Variants in PYM1 observed in about 807,000 individuals in gnomAD.
PYM1 encodes partner of Y14 and mago.
A neutral mutation model predicts 20.7 loss-of-function variants in PYM1; 7 were observed. The ratio of observed to expected loss-of-function variants is 0.34; its 90% CI spans 0.19 to 0.64. The LOEUF (loss-of-function observed/expected upper bound fraction) is 0.64. PYM1 is among the 30% of genes least tolerant of loss of function. The pLI is 0.74. For missense variants in PYM1, 194 were observed against 250.0 expected (o/e 0.78, Z 1.51); for synonymous variants, 100 against 99.2 (o/e 1.01, Z -0.05).
At chr12:55,922,511 G>T (rs1312518717) in intron 1 of PYM1, among the ~76,000 whole-genome samples, 3 of 150,712 alleles carry the variant, frequency 2.0e-5, no homozygotes, top group African/African-American at 7.3e-5. Context: ...TAGATACTCA[G>T]GAGGCTGAGG....
chr12:55,905,897 TATATCTAA>T lies in PYM1; in HGVS notation c.38-2425_38-2418del, dbSNP rs1476250123. 2.7e-3 allele frequency among the ~76,000 whole-genome samples: 319 copies of T among 116,604 alleles called. 40 individuals carry two copies. The highest frequency in any genetic ancestry group is 9.4e-3 in the African/African-American group (291 of 31,028). 76.5% of individuals were successfully genotyped at this position (116,604 alleles called of 152,430 possible). ...TCTATTAGATATATATATTATTATA[TATATCTAA>T]TAGATATATATATTATTATATATAT... On this transcript the variant is annotated intron_variant, in intron 1 of 2. Transcript: ENST00000408946.
chr12:55,916,419 C>G (rs1259797018), intron 1 of PYM1, among the ~76,000 whole-genome samples: 1 of 152,128 alleles, frequency 6.6e-6, no homozygotes. Context: ...GCTTACACAC[C>G]ATCGCACTGC....
At chr12:55,922,732 A>C (rs1268887400) in intron 1 of PYM1, among the ~76,000 whole-genome samples, 2 of 152,168 alleles carry the variant, frequency 1.3e-5, no homozygotes, top group Admixed American at 1.3e-4. Flanking sequence ...ACATAACCCA[A>C]ATCTAATCAT....
chr12:55,902,309 G>A lies in PYM1; in HGVS notation c.178C>T (p.Pro60Ser). The change falls in exon 3 of 3, where the codon CCC (proline) becomes TCC (serine). Residue 60 changes from proline (P) to serine (S), a missense_variant. Physicochemically the swap from Pro to Ser is moderately conservative, Grantham distance 74. Transcript: ENST00000408946. Reference protein sequence around the residue: ...VKFFKSKPELPPGLSPEATAP... With the variant: ...VKFFKSKPELSPGLSPEATAP... ...GTGGCCTCAGGGCTTAGCCCTGGGG[G>A]CAACTCTGGTTTACTCTTGAAAAAC... 6.2e-7 allele frequency: 1 copy of A among 1,613,782 alleles called. No homozygotes were observed. The highest frequency in any genetic ancestry group is 8.5e-7 in the Non-Finnish European group (1 of 1,179,852).
intron 1 of PYM1, among the ~76,000 whole-genome samples, chr12:55,924,983 C>CA (rs35096860): frequency 6.6e-6 from 1 of 152,086 alleles, no homozygotes; most frequent in Non-Finnish European, 1.5e-5. Context: ...CCATGCCCAG[C>CA]AAAAAATTTT....
intron 1 of PYM1, among the ~76,000 whole-genome samples, chr12:55,908,949 G>A (rs1289896373): frequency 6.6e-6 from 1 of 152,158 alleles, no homozygotes; most frequent in Non-Finnish European, 1.5e-5. Context: ...GAGCAAAGGG[G>A]CTCAAACTTG....
intron 1 of PYM1, among the ~76,000 whole-genome samples, chr12:55,923,632 G>A (rs997671602): frequency 6.6e-6 from 1 of 151,646 alleles, no homozygotes; most frequent in Non-Finnish European, 1.5e-5. Context: ...TATCAATATT[G>A]CTTCATTAAT....
intron 1 of PYM1, among the ~76,000 whole-genome samples, chr12:55,910,595 A>G (rs942627471): frequency 2.6e-5 from 4 of 152,038 alleles, no homozygotes; most frequent in African/African-American, 9.7e-5. Flanking sequence ...GGAGCCCACT[A>G]CCACGCCCAG....
intron 1 of PYM1, among the ~76,000 whole-genome samples, chr12:55,920,902 T>C (rs1031032947): frequency 1.3e-5 from 2 of 152,204 alleles, no homozygotes; most frequent in Non-Finnish European, 2.9e-5. Flanking sequence ...AAAATGTATA[T>C]ACCATCTGGT....
At chr12:55,903,117 C>A (rs529834174) in intron 2 of PYM1, among the ~76,000 whole-genome samples, 1 of 152,260 alleles carries the variant, frequency 6.6e-6, no homozygotes, top group East Asian at 1.9e-4. Flanking sequence ...CCCAACTTTC[C>A]TCTGCTCTGC....
chr12:55,926,994 G>T, intron 1 of PYM1: 1 of 1,394,276 alleles, frequency 7.2e-7, no homozygotes, highest in Non-Finnish European at 9.6e-7. Context: ...CCCCGGGATG[G>T]GCGGGGCACA....
At chr12:55,916,992 C>T (rs1592640102) in intron 1 of PYM1, among the ~76,000 whole-genome samples, 1 of 152,068 alleles carries the variant, frequency 6.6e-6, no homozygotes, top group East Asian at 1.9e-4. Flanking sequence ...ATCCCAGCTA[C>T]TTGGGAGGCT....
At chr12:55,906,236 T>C (rs946983067) in intron 1 of PYM1, among the ~76,000 whole-genome samples, 2 of 151,610 alleles carry the variant, frequency 1.3e-5, no homozygotes, top group African/African-American at 2.4e-5. Context: ...TACTTCGGTA[T>C]GCAGCAGAAG....
Position 55,908,202 on chromosome 12 carries a change from C to T in PYM1, c.38-4722G>A, listed in dbSNP as rs543211477. Among the ~76,000 whole-genome samples, 381 of 150,980 alleles carry T rather than the reference C, an allele frequency of 2.5e-3. 1 individual carries two copies. The highest frequency in any genetic ancestry group is 8.9e-3 in the African/African-American group (364 of 41,112). On this transcript the variant is annotated intron_variant, in intron 1 of 2. Transcript: ENST00000408946. The stretch of plus-strand genomic sequence containing the variant: ...AGGTTGCAGTGAGCCAAGATTGCAC[C>T]GCTGCACTCCAACCTGGGCGACAGA...
rs550840980 is a variant in PYM1, at chr12:55,905,581, A to G, written c.38-2101T>C. Reference sequence around the variant, plus strand: ...GCTGGGCGTGGTGGCAGGCGCCTGTAATCCTAGCTACCCGGGAGGCTGAGG... The same window carrying G: ...GCTGGGCGTGGTGGCAGGCGCCTGTGATCCTAGCTACCCGGGAGGCTGAGG... On this transcript the variant is annotated intron_variant, in intron 1 of 2. Transcript: ENST00000408946. Among the ~76,000 whole-genome samples, 929 of 149,974 alleles carry G rather than the reference A, an allele frequency of 6.2e-3. 6 individuals are homozygous for G. Among genetic ancestry groups the G allele is most frequent in the Non-Finnish European group, 9.8e-3 (665 of 67,664 alleles).
Position 55,927,877 on chromosome 12 carries a change from G to C in PYM1, c.-116C>G. ...GAGGGCCCTAGTTGCTTCTCGCCCA[G>C]ACCTCCTAACCCTGAGTGCCTCCTC... is the stretch of plus-strand genomic sequence containing the variant. On this transcript the variant is annotated 5_prime_UTR_variant, in exon 1 of 3. Coordinates refer to ENST00000408946, the MANE Select transcript of PYM1 (RefSeq NM_032345.3). 1.4e-6 allele frequency: 2 copies of C among 1,379,510 alleles called. No homozygotes were observed. Among genetic ancestry groups the C allele is most frequent in the Non-Finnish European group, 1.9e-6 (2 of 1,026,546 alleles). 85.5% of individuals were successfully genotyped at this position (1,379,510 alleles called of 1,614,324 possible).
At chr12:55,907,557 CAG>C (rs912673971) in intron 1 of PYM1, among the ~76,000 whole-genome samples, 7 of 148,078 alleles carry the variant, frequency 4.7e-5, no homozygotes, top group African/African-American at 1.3e-4. Context: ...TCACTTGAAA[CAG>C]GGGGTTGGAG....
chr12:55,917,320 C>A (rs1883024852), intron 1 of PYM1, among the ~76,000 whole-genome samples: 1 of 150,674 alleles, frequency 6.6e-6, no homozygotes, highest in Non-Finnish European at 1.5e-5. Flanking sequence ...ACTTGGGAGG[C>A]TGAGGCAAGA....
rs1882693648 is a variant in PYM1 at position 55,901,813 on chromosome 12, C to T, written c.*59G>A. On this transcript the variant is annotated 3_prime_UTR_variant, in exon 3 of 3. Transcript: ENST00000408946. ...CCTGACTGCTGTTGCCCGTATTCCC[C>T]CAGACCCCAGAGAGCCCCACGGTTT... 4 of 1,536,158 alleles carry T rather than the reference C, an allele frequency of 2.6e-6. No individual in the cohort carries two copies. Among genetic ancestry groups the T allele is most frequent in the Non-Finnish European group, 3.5e-6 (4 of 1,145,842 alleles).
Sources: gnomAD v4.1 joint callset for allele counts (sites outside exome capture counted in the v4.1 genomes callset) on GRCh38, gnomAD v4.1.1 for gene constraint, MANE v1.5 for transcripts, NCBI Gene and HGNC (gene_info 2026-07-23, HGNC 2026-07-21) for gene names.